GCN1: variants seen among roughly 807,000 people sequenced by gnomAD.
GCN1 encodes the protein stalled ribosome sensor GCN1.
In GCN1, 90 loss-of-function variants were observed where a neutral mutation model predicts 288.4. The ratio of observed to expected loss-of-function variants is 0.31; its 90% CI spans 0.26 to 0.37. The LOEUF is 0.37. Ranked by LOEUF, GCN1 falls within the 10% of genes least tolerant of loss-of-function variation. The probability of loss-of-function intolerance (pLI) is 1.00; values close to 1 mark genes in which losing one functional copy is unlikely to be tolerated. For synonymous variants in GCN1, 1,386 were observed against 1,420.2 expected (o/e 0.98, Z 0.54); for missense variants, 2,586 against 3,419.9 (o/e 0.76, Z 6.08).
chr12:120,127,782 GTAT>G lies in GCN1; in HGVS notation c.*64_*66del. ...TTCCAAGCTCCCCATTGGAACAAATGTATTTTCAAAAATGAAAACATTGAGCAA... is the reference window on the plus strand; with the variant it reads ...TTCCAAGCTCCCCATTGGAACAAATGTTTCAAAAATGAAAACATTGAGCAA... On this transcript the variant is annotated 3_prime_UTR_variant, in exon 58 of 58. Coordinates refer to ENST00000300648, the MANE Select transcript of GCN1 (RefSeq NM_006836.2). 7 of 1,556,836 alleles carry G rather than the reference GTAT, an allele frequency of 4.5e-6. No individual in the cohort carries two copies. The highest frequency in any genetic ancestry group is 5.3e-6 in the Non-Finnish European group (6 of 1,135,352).
intron 2 of GCN1, among the ~76,000 whole-genome samples, chr12:120,189,238 A>G (rs1878924783): frequency 6.6e-6 from 1 of 151,652 alleles, no homozygotes; most frequent in Non-Finnish European, 1.5e-5. Context: ...ATGCTCAGCT[A>G]ATTTTTGTGT....
intron 33 of GCN1, 102 bp from the exon 34 acceptor site, chr12:120,151,493 C>G: frequency 1.6e-6 from 2 of 1,231,614 alleles, no homozygotes; most frequent in Non-Finnish European, 2.3e-6. Context: ...CTAGATGTCC[C>G]AAGCCCCATC....
At chr12:120,169,273 T>G in intron 15 of GCN1, among the ~76,000 whole-genome samples, 1 of 47,430 alleles carries the variant, frequency 2.1e-5, no homozygotes, top group Non-Finnish European at 3.2e-5. Flanking sequence ...CGAAACTCCG[T>G]CTCAAAAAAA....
rs1877748283 is a variant in GCN1 at position 120,156,415 on chromosome 12, TAG to T, written c.3312+44_3312+45del. 24 of 1,591,274 alleles carry T rather than the reference TAG, an allele frequency of 1.5e-5. No individual in the cohort carries two copies. The highest frequency in any genetic ancestry group is 2.0e-5 in the Non-Finnish European group (23 of 1,163,110). ...GCCCATCATGCAATTTGCACTTGCATAGAGTGACAAGGGACACTGCAGTGGCT... is the reference window on the plus strand; with the variant it reads ...GCCCATCATGCAATTTGCACTTGCATAGTGACAAGGGACACTGCAGTGGCT... On this transcript the variant is annotated intron_variant, in intron 28 of 57. Coordinates refer to ENST00000300648, the MANE Select transcript of GCN1 (RefSeq NM_006836.2). This position sits in a 1 kb window ranked among gnomAD's most constrained non-coding sequence, Gnocchi z 5.8.
At chr12:120,165,670 C>T (rs1375365901) in intron 16 of GCN1, among the ~76,000 whole-genome samples, 1 of 151,426 alleles carries the variant, frequency 6.6e-6, no homozygotes, top group African/African-American at 2.4e-5. Flanking sequence ...GACGAGGTTT[C>T]ACCATGTTGG....
chr12:120,132,398 G>T (rs1013164755), intron 53 of GCN1, among the ~76,000 whole-genome samples: 1 of 152,102 alleles, frequency 6.6e-6, no homozygotes, highest in Non-Finnish European at 1.5e-5. Flanking sequence ...GCAGGGAGGG[G>T]CGGGAGGGGC....
Position 120,151,540 on chromosome 12 carries a change from A to G in GCN1, c.4063-149T>C, listed in dbSNP as rs1309841495. 4.1e-6 allele frequency: 3 copies of G among 729,128 alleles called. No homozygotes were observed. The African/African-American group carries it at 5.3e-5, about 13-fold the overall frequency. The allele number at this position is 729,128 out of a possible 1,614,324, so 45.2% of individuals were successfully genotyped here. A position where few individuals can be genotyped will look rare whatever the true frequency, so the allele number is the denominator to read the frequency against. On this transcript the variant is annotated intron_variant, in intron 33 of 57. Coordinates refer to ENST00000300648, the MANE Select transcript of GCN1 (RefSeq NM_006836.2). Reference sequence around the variant, plus strand: ...CTGCGGATGTCACAGGGCACCAGAGAAGCAAACAGGTATACACAGTGTTGT... The same window carrying G: ...CTGCGGATGTCACAGGGCACCAGAGGAGCAAACAGGTATACACAGTGTTGT...
rs201208111 is a variant in GCN1 at position 120,164,079 on chromosome 12, GCAAAA to G, written c.1848+252_1848+256del. ...GCTTGGGAAGTAGAGGTTGCAGTGA[GCAAAA>G]CAAAACAAAACAAAACAAAAACCCC... On this transcript the variant is annotated intron_variant, in intron 18 of 57. Coordinates refer to ENST00000300648, the MANE Select transcript of GCN1 (RefSeq NM_006836.2). Among the ~76,000 whole-genome samples the G allele has an allele frequency of 6.9e-3, 1,056 of 152,092 alleles. 11 individuals carry two copies. Among genetic ancestry groups the G allele is most frequent in the African/African-American group, 0.024 (995 of 41,458 alleles).
chr12:120,145,995 G>A (rs750856620), intron 38 of GCN1, among the ~76,000 whole-genome samples: 3 of 152,064 alleles, frequency 2.0e-5, no homozygotes, highest in South Asian at 2.1e-4. Flanking sequence ...GGCCGGGCAC[G>A]GTGGTTCACG....
intron 33 of GCN1, among the ~76,000 whole-genome samples, chr12:120,152,874 T>C (rs1266940391): frequency 6.6e-6 from 1 of 151,892 alleles, no homozygotes; most frequent in East Asian, 1.9e-4. Context: ...CAGTGCACGT[T>C]AGTGAATAGA....
chr12:120,162,165 G>T, intron 20 of GCN1, 107 bp from the exon 21 acceptor site: 1 of 880,494 alleles, frequency 1.1e-6, no homozygotes, highest in Non-Finnish European at 1.7e-6. Flanking sequence ...TTATGCCACT[G>T]CCTTGTTACT....
chr12:120,187,902 CAAA>C (rs1566321769), intron 2 of GCN1, among the ~76,000 whole-genome samples: 2 of 139,350 alleles, frequency 1.4e-5, no homozygotes, highest in African/African-American at 5.4e-5. Flanking sequence ...AAAAAAAAAA[CAAA>C]AAACTAGAAT....
At position 120,168,200 on chromosome 12, in the gene GCN1, T is replaced by A. The variant is rs1402730470; in HGVS notation, c.1612+8A>T. The A allele has an allele frequency of 6.8e-7, 1 of 1,474,462 alleles. No homozygotes were observed. The highest frequency in any genetic ancestry group is 1.7e-5 in the Admixed American group (1 of 59,856). 91.3% of individuals were successfully genotyped at this position (1,474,462 alleles called of 1,614,324 possible). A position where few individuals can be genotyped will look rare whatever the true frequency, so the allele number is the denominator to read the frequency against. On this transcript the variant is annotated splice_region_variant and intron_variant, in intron 16 of 57. Coordinates refer to ENST00000300648, the MANE Select transcript of GCN1 (RefSeq NM_006836.2). ...ATCCCGAGTTCAACTAAGCATGGAGTAACTTACCATCCTCTGAAGCCATGA... is the reference window on the plus strand; with the variant it reads ...ATCCCGAGTTCAACTAAGCATGGAGAAACTTACCATCCTCTGAAGCCATGA...
intron 7 of GCN1, 75 bp downstream of exon 7, chr12:120,178,549 TC>T (rs1160139672): frequency 8.2e-6 from 12 of 1,468,624 alleles, no homozygotes; most frequent in Non-Finnish European, 1.1e-5. Context: ...CAAAGCAGGT[TC>T]CCATTCCTTC....
rs1248543122 is a variant in GCN1 at position 120,133,142 on chromosome 12, T to C, written c.7318-1120A>G. ...GCGCCTGGGGACCAGAACTAGGCCT[T>C]TGGAGCCATGGGAAGTGCAGCAGCA... On this transcript the variant is annotated intron_variant, in intron 53 of 57. Transcript: ENST00000300648. Among the ~76,000 whole-genome samples the C allele has an allele frequency of 2.6e-5, 4 of 152,198 alleles. No homozygotes were observed. In the East Asian group the frequency reaches 7.7e-4, roughly 29 times the overall value.
intron 14 of GCN1, among the ~76,000 whole-genome samples, chr12:120,172,883 A>C (rs1878354634): frequency 6.6e-6 from 1 of 152,118 alleles, no homozygotes; most frequent in Non-Finnish European, 1.5e-5. Flanking sequence ...CTGAGATGGA[A>C]ATCAGTAATA....
At chr12:120,129,145 T>G (rs1338050250) in intron 57 of GCN1, 131 bp downstream of exon 57, 5 of 793,322 alleles carry the variant, frequency 6.3e-6, no homozygotes, top group Admixed American at 2.2e-5. Flanking sequence ...ACCCAAATCT[T>G]AATCTGCTCC....
At position 120,190,238 on chromosome 12, in the gene GCN1, A is replaced by G. The variant is rs530544712; in HGVS notation, c.121+60T>C. On this transcript the variant is annotated intron_variant, in intron 2 of 57. Coordinates refer to ENST00000300648, the MANE Select transcript of GCN1 (RefSeq NM_006836.2). ...AGACTCTGTCTCAAAAAAAAAAAAA[A>G]AAAAGAAAGAAAGAAAAACAATGAA... The G allele has an allele frequency of 3.3e-4, 318 of 960,632 alleles. 1 individual carries two copies. In the African/African-American group the frequency reaches 4.5e-3, roughly 14 times the overall value. 59.5% of individuals were successfully genotyped at this position (960,632 alleles called of 1,614,324 possible). A position where few individuals can be genotyped will look rare whatever the true frequency, so the allele number is the denominator to read the frequency against.
In GCN1 at chr12:120,156,872, G is replaced by A. The variant is rs867655108; in HGVS notation, c.3168+40C>T. 49 of 1,363,528 alleles carry A rather than the reference G, an allele frequency of 3.6e-5. No homozygotes were observed. The highest frequency in any genetic ancestry group is 6.7e-5 in the Admixed American group (4 of 59,684). 84.5% of individuals were successfully genotyped at this position (1,363,528 alleles called of 1,614,324 possible). A position where few individuals can be genotyped will look rare whatever the true frequency, so the allele number is the denominator to read the frequency against. On this transcript the variant is annotated intron_variant, in intron 27 of 57. Transcript: ENST00000300648. The surrounding 1 kb of genome is among the most constrained non-coding windows in gnomAD (Gnocchi z 5.8). ...CACTGGGACTTGAGGTCTGGGTCAC[G>A]AACTGAGTCACAGCAACAGCCAACT...
Sources: allele counts gnomAD v4.1 joint callset (sites outside exome capture counted in the v4.1 genomes callset), GRCh38; gene constraint gnomAD v4.1.1; non-coding constraint Gnocchi (gnomAD v3.1); transcripts MANE v1.5; gene names NCBI Gene and HGNC (gene_info 2026-07-23, HGNC 2026-07-21).